Variants in HERC1 observed in about 807,000 individuals in gnomAD.
HERC1 encodes HECT and RLD domain containing E3 ubiquitin protein ligase family member 1, also known as probable E3 ubiquitin-protein ligase HERC1.
A neutral mutation model predicts 554.3 loss-of-function variants in HERC1; 160 were observed. The observed-to-expected ratio is 0.29, with a 90% CI of 0.25 to 0.33. HERC1 has a LOEUF of 0.33. Among genes scored for constraint, HERC1 ranks in the 10% least tolerant of loss-of-function variants. The probability of loss-of-function intolerance (pLI) is 1.00; values close to 1 mark genes in which losing one functional copy is unlikely to be tolerated. For missense variants in HERC1, 4,919 were observed against 5,918.5 expected (o/e 0.83, Z 5.54); for synonymous variants, 2,175 against 2,131.7 (o/e 1.02, Z -0.56).
rs1330090927 is a variant in HERC1, at chr15:63,656,138, C to T, written c.9820G>A (p.Ala3274Thr). Reference protein sequence around the residue: ...AYLSTAVGCLASNAPSAAKLL... With the variant: ...AYLSTAVGCLTSNAPSAAKLL... ...TTGGCAGCACTAGGAGCATTTGATG[C>T]CAGACATCCCACTGCTGTGCTCAAA... The change falls in exon 49 of 78, where the codon GCA becomes ACA. Residue 3274 changes from alanine to threonine, a missense_variant. Ala to Thr is a moderately conservative substitution (Grantham distance 58, BLOSUM62 0). Transcript: ENST00000443617. 6.2e-7 allele frequency: 1 copy of T among 1,612,406 alleles called. No homozygotes were observed.
intron 40 of HERC1, among the ~76,000 whole-genome samples, chr15:63,668,868 C>T (rs935071190): frequency 6.6e-6 from 1 of 151,986 alleles, no homozygotes; most frequent in African/African-American, 2.4e-5. Flanking sequence ...AACAAGTAGA[C>T]AAAAAAACCA....
At chr15:63,741,065 G>A (rs540064494) in intron 12 of HERC1, among the ~76,000 whole-genome samples, 1 of 151,266 alleles carries the variant, frequency 6.6e-6, no homozygotes, top group Non-Finnish European at 1.5e-5. Context: ...CTCTTGCCCT[G>A]TCGCCCAGGC....
chr15:63,656,499 G>C, intron 48 of HERC1, 141 bp from the exon 49 acceptor site: 2 of 750,630 alleles, frequency 2.7e-6, no homozygotes, highest in Non-Finnish European at 4.2e-6. Context: ...CATGTCCTAA[G>C]AGTTGCCAAA....
chr15:63,726,999 CA>C (rs1422308282), intron 17 of HERC1, among the ~76,000 whole-genome samples: 7 of 152,252 alleles, frequency 4.6e-5, no homozygotes, highest in African/African-American at 7.2e-5. Context: ...ATAAACTGGC[CA>C]GGGGCGGTGG....
chr15:63,790,162 T>C (rs1462959406), intron 1 of HERC1, among the ~76,000 whole-genome samples: 5 of 152,234 alleles, frequency 3.3e-5, no homozygotes, highest in African/African-American at 1.2e-4. Context: ...TATAAAGTTC[T>C]TGGACTCATC....
intron 16 of HERC1, among the ~76,000 whole-genome samples, chr15:63,728,520 AG>A (rs1298853499): frequency 6.6e-6 from 1 of 152,084 alleles, no homozygotes; most frequent in Non-Finnish European, 1.5e-5. Context: ...TTCTTTTTTC[AG>A]TGGGGGAACT....
intron 12 of HERC1, among the ~76,000 whole-genome samples, chr15:63,740,154 C>A (rs2074736577): frequency 6.6e-6 from 1 of 152,110 alleles, no homozygotes; most frequent in African/African-American, 2.4e-5. Context: ...AAGTGATGTG[C>A]CCACCTTAGC....
chr15:63,731,121 T>G (rs765347692), intron 14 of HERC1, among the ~76,000 whole-genome samples: 5 of 152,224 alleles, frequency 3.3e-5, no homozygotes, highest in Non-Finnish European at 7.4e-5. Context: ...TATGATAAAA[T>G]ATTCCATTGA....
intron 12 of HERC1, among the ~76,000 whole-genome samples, chr15:63,746,131 C>T (rs374174261): frequency 5.3e-5 from 8 of 151,638 alleles, no homozygotes; most frequent in East Asian, 1.9e-4. Flanking sequence ...ATTACTGATT[C>T]GATATATATT....
In HERC1 at chr15:63,622,787, T is replaced by C. The variant is rs779751926; in HGVS notation, c.13688+28A>G. 8.6e-6 allele frequency: 13 copies of C among 1,505,138 alleles called. No individual in the cohort carries two copies. In the East Asian group the frequency reaches 1.4e-4, roughly 16 times the overall value. 93.2% of individuals were successfully genotyped at this position (1,505,138 alleles called of 1,614,324 possible). A position where few individuals can be genotyped will look rare whatever the true frequency, so the allele number is the denominator to read the frequency against. On this transcript the variant is annotated intron_variant, in intron 74 of 77. Coordinates refer to ENST00000443617, the MANE Select transcript of HERC1 (RefSeq NM_003922.4). ...TGAGCTATTATTATTATTTTAGACA[T>C]ATAATGAACACTTGCTGACTGCCAT...
At position 63,674,358 on chromosome 15, in the gene HERC1, C is replaced by T. The variant is rs890889743; in HGVS notation, c.7830G>A (p.Gly2610=). ...VVHGLLEDQF[G]GKIKQEIDQQ... Reference sequence around the variant, plus strand: ...ATAACATACCTTGCTTAATTTTGCCCCCAAACTGGTCTTCCAAAAGCCCAT... The same window carrying T: ...ATAACATACCTTGCTTAATTTTGCCTCCAAACTGGTCTTCCAAAAGCCCAT... Residue 2610 remains glycine (G), a synonymous_variant, in exon 38 of 78, where the codon GGG becomes GGA. Transcript: ENST00000443617. 2.5e-6 allele frequency: 4 copies of T among 1,604,418 alleles called. No homozygotes were observed. The highest frequency in any genetic ancestry group is 2.7e-5 in the African/African-American group (2 of 74,628).
intron 1 of HERC1, among the ~76,000 whole-genome samples, chr15:63,783,312 C>T (rs7178111): frequency 0.79 from 120,766 of 152,028 alleles, 49,742 homozygotes; most frequent in African/African-American, 0.85. Flanking sequence ...ACCCCCATCC[C>T]GATCAGTCAG....
chr15:63,753,174 G>A, intron 7 of HERC1, 89 bp from the exon 8 acceptor site: 1 of 907,130 alleles, frequency 1.1e-6, no homozygotes, highest in Non-Finnish European at 1.5e-6. Flanking sequence ...GAGCTCTAAT[G>A]TTTCCATCAC....
At position 63,652,481 on chromosome 15, in the gene HERC1, T is replaced by C; in HGVS notation, c.10351A>G (p.Thr3451Ala). 6.2e-7 allele frequency: 1 copy of C among 1,609,894 alleles called. No homozygotes were observed. Among genetic ancestry groups the C allele is most frequent in the Non-Finnish European group, 8.5e-7 (1 of 1,177,464 alleles). The change falls in exon 52 of 78, where the codon ACC (threonine) becomes GCC (alanine). Residue 3451 changes from threonine to alanine, a missense_variant. Thr to Ala is a moderately conservative substitution (Grantham distance 58). This residue lies in a region of HERC1 where 1,963 missense variants were observed against 2,228.6 expected (regional missense o/e 0.88). Coordinates refer to ENST00000443617, the MANE Select transcript of HERC1 (RefSeq NM_003922.4). Reference protein sequence around the residue: ...GLLATSGNDGTIRVWNVTKKQ... With the variant: ...GLLATSGNDGAIRVWNVTKKQ... The stretch of plus-strand genomic sequence containing the variant: ...TTGGTAACATTCCATACGCGGATGG[T>C]GCCATCATTGCCACTTGTAGCCAAA...
chr15:63,614,654 C>G (rs1222250800), intron 76 of HERC1, among the ~76,000 whole-genome samples: 1 of 152,052 alleles, frequency 6.6e-6, no homozygotes, highest in Non-Finnish European at 1.5e-5. Context: ...TTGAGAAGAC[C>G]CCAACATATT....
chr15:63,658,049 T>A (rs968506251), intron 48 of HERC1, among the ~76,000 whole-genome samples: 1 of 152,324 alleles, frequency 6.6e-6, no homozygotes, highest in African/African-American at 2.4e-5. Flanking sequence ...TTTGTTTTTC[T>A]TTCAGGATCT....
intron 3 of HERC1, among the ~76,000 whole-genome samples, chr15:63,761,973 G>C (rs188084569): frequency 6.6e-6 from 1 of 152,304 alleles, no homozygotes; most frequent in Non-Finnish European, 1.5e-5. Context: ...TGTCTACCAT[G>C]AATATAAAAA....
chr15:63,829,499 T>TATATATATATATAC (rs1336272062), intron 1 of HERC1, among the ~76,000 whole-genome samples: 26 of 53,362 alleles, frequency 4.9e-4, no homozygotes, highest in African/African-American at 8.8e-4. Flanking sequence ...TATATATATA[T>TATATATATATATAC]ACACACACAC....
intron 31 of HERC1, among the ~76,000 whole-genome samples, chr15:63,691,692 T>G (rs2072122021): frequency 6.6e-6 from 1 of 152,086 alleles, no homozygotes; most frequent in Non-Finnish European, 1.5e-5. Context: ...AAAAAGTATA[T>G]TGAGCGTGTA....
Sources: gnomAD v4.1 joint callset for allele counts (sites outside exome capture counted in the v4.1 genomes callset) on GRCh38, gnomAD v4.1.1 for gene constraint, gnomAD v4.1.1 regional missense constraint, MANE v1.5 for transcripts, NCBI Gene and HGNC (gene_info 2026-07-23, HGNC 2026-07-21) for gene names.